The following NWD2 variants were observed in gnomAD, a reference collection of about 807,000 sequenced individuals.
NWD2 encodes the protein NACHT and WD repeat domain-containing protein 2.
NWD2 carries 37 observed loss-of-function variants against 132.7 expected under a neutral mutation model. The observed-to-expected ratio is 0.28, with a 90% confidence interval of 0.21 to 0.37. The LOEUF (loss-of-function observed/expected upper bound fraction) is 0.37. Ranked by LOEUF, NWD2 falls within the 10% of genes least tolerant of loss-of-function variation. NWD2 has a pLI of 1.00. For missense variants in NWD2, 1,592 were observed against 2,122.4 expected, an observed-to-expected ratio of 0.75 and a Z score of 4.91; for synonymous variants, 705 against 803.0, an observed-to-expected ratio of 0.88 and a Z score of 2.06.
chr4:37,275,137 A>T (rs780011892), intron 1 of NWD2, among the ~76,000 whole-genome samples: 13 of 152,164 alleles, frequency 8.5e-5, no homozygotes, highest in Admixed American at 3.3e-4. Flanking sequence ...AGGAAGTCAA[A>T]TTGTCCCTGT....
intron 3 of NWD2, among the ~76,000 whole-genome samples, chr4:37,374,291 C>G (rs150017753): frequency 6.6e-6 from 1 of 152,296 alleles, no homozygotes; most frequent in African/African-American, 2.4e-5. Flanking sequence ...TGAGTAAAAG[C>G]TTCCTGAGGT....
Position 37,422,390 on chromosome 4 carries a change from T to C in NWD2, c.358-8182T>C, listed in dbSNP as rs146094885. ...CATAATTATTTTAAAGCTCTTTTTCTCCACCCCTGGAACATTGATAAGTTT... is the reference window on the plus strand; with the variant it reads ...CATAATTATTTTAAAGCTCTTTTTCCCCACCCCTGGAACATTGATAAGTTT... On this transcript the variant is annotated intron_variant, in intron 3 of 6. Coordinates refer to ENST00000309447, the MANE Select transcript of NWD2 (RefSeq NM_001144990.2). Among the ~76,000 whole-genome samples, 41 of 152,314 alleles carry C rather than the reference T, an allele frequency of 2.7e-4. No homozygotes were observed. In the East Asian group the frequency reaches 7.7e-3, roughly 29 times the overall value.
intron 2 of NWD2, among the ~76,000 whole-genome samples, chr4:37,350,277 T>C (rs547531217): frequency 1.3e-5 from 2 of 152,356 alleles, no homozygotes; most frequent in South Asian, 4.1e-4. Flanking sequence ...CTTTGGACAG[T>C]ATGGCTATTT....
intron 3 of NWD2, among the ~76,000 whole-genome samples, chr4:37,387,736 G>A (rs931570158): frequency 7.6e-5 from 11 of 145,094 alleles, no homozygotes; most frequent in African/African-American, 2.6e-4. Context: ...GTGCAATGGC[G>A]CGATCTTGGC....
At chr4:37,416,992 A>G (rs1711632281) in intron 3 of NWD2, among the ~76,000 whole-genome samples, 1 of 152,190 alleles carries the variant, frequency 6.6e-6, no homozygotes, top group Non-Finnish European at 1.5e-5. Flanking sequence ...TGTTGGGTAC[A>G]GTGTATACTG....
Position 37,419,410 on chromosome 4 carries a change from TA to T in NWD2, c.358-11159del, listed in dbSNP as rs1222155986. 2.6e-5 allele frequency among the ~76,000 whole-genome samples: 4 copies of T among 152,240 alleles called. No homozygotes were observed. In the East Asian group the frequency reaches 7.7e-4, roughly 29 times the overall value. ...CCAAAATTGACAAATGGAATCTAATTAAACTAAAGAGCTTCTGCACAGCAAA... is the reference window on the plus strand; with the variant it reads ...CCAAAATTGACAAATGGAATCTAATTAACTAAAGAGCTTCTGCACAGCAAA... On this transcript the variant is annotated intron_variant, in intron 3 of 6. Transcript: ENST00000309447.
intron 1 of NWD2, among the ~76,000 whole-genome samples, chr4:37,321,801 G>A (rs1007023641): frequency 6.6e-6 from 1 of 152,022 alleles, no homozygotes; most frequent in Non-Finnish European, 1.5e-5. Context: ...ATACAAATAT[G>A]GGAAAATCTA....
At chr4:37,442,845 A>G (rs1375981409) in intron 6 of NWD2, among the ~76,000 whole-genome samples, 7 of 152,098 alleles carry the variant, frequency 4.6e-5, no homozygotes, top group Admixed American at 3.9e-4. Context: ...TATTTAACTT[A>G]ATATAATATG....
At chr4:37,308,024 ATC>A (rs1718746574) in intron 1 of NWD2, among the ~76,000 whole-genome samples, 1 of 152,140 alleles carries the variant, frequency 6.6e-6, no homozygotes, top group South Asian at 2.1e-4. Flanking sequence ...TTGATGAATC[ATC>A]TGTCTGTATT....
chr4:37,318,734 T>G (rs763928218), intron 1 of NWD2, among the ~76,000 whole-genome samples: 2 of 152,022 alleles, frequency 1.3e-5, no homozygotes, highest in African/African-American at 4.8e-5. Flanking sequence ...TATAATATTT[T>G]TATTATGTTC....
In NWD2 at chr4:37,253,018, T is replaced by C. The variant is rs116822541; in HGVS notation, c.151+7800T>C. Among the ~76,000 whole-genome samples the C allele has an allele frequency of 6.2e-3, 895 of 144,598 alleles. 5 individuals carry two copies. Among genetic ancestry groups the C allele is most frequent in the African/African-American group, 0.021 (857 of 40,820 alleles). The allele number at this position is 144,598 out of a possible 152,430, so 94.9% of individuals were successfully genotyped here. ...TTACCACAACCCCCCCCCCTTATGT[T>C]TTGCAGTTTCTTTGACCTCCCTTTG... On this transcript the variant is annotated intron_variant, in intron 1 of 6. Transcript: ENST00000309447.
intron 3 of NWD2, among the ~76,000 whole-genome samples, chr4:37,407,790 G>A (rs1010131991): frequency 5.3e-5 from 8 of 152,338 alleles, no homozygotes; most frequent in Admixed American, 1.3e-4. Context: ...CAGTGAGATC[G>A]ACAGAGAAGG....
chr4:37,384,847 A>G (rs1353674946), intron 3 of NWD2, among the ~76,000 whole-genome samples: 1 of 152,184 alleles, frequency 6.6e-6, no homozygotes. Flanking sequence ...ATAGCCATTC[A>G]TCTGTGGACA....
intron 3 of NWD2, among the ~76,000 whole-genome samples, chr4:37,425,899 T>G (rs1904471): frequency 1 from 152,065 of 152,282 alleles, 75,924 homozygotes; most frequent in Non-Finnish European, 1. Context: ...TGGCTGCAGA[T>G]CTAACGAATA....
chr4:37,416,964 G>A (rs1207737784), intron 3 of NWD2, among the ~76,000 whole-genome samples: 1 of 152,066 alleles, frequency 6.6e-6, no homozygotes. Context: ...GGAGGGGGAT[G>A]AAGGATAAAA....
chr4:37,439,509 A>G lies in NWD2; in HGVS notation c.1296+119A>G. On this transcript the variant is annotated intron_variant, in intron 6 of 6. Coordinates refer to ENST00000309447, the MANE Select transcript of NWD2 (RefSeq NM_001144990.2). The surrounding 1 kb of genome is among the most constrained non-coding windows in gnomAD (Gnocchi z 4.5). ...CTATGTGAATTATAGTTGGTCTTTT[A>G]GGAGTGAATACTGCAGTGCTTCTTT... is the stretch of plus-strand genomic sequence containing the variant. 3 of 706,894 alleles carry G rather than the reference A, an allele frequency of 4.2e-6. No homozygotes were observed. The East Asian group carries it at 8.2e-5, about 19-fold the overall frequency. The allele number at this position is 706,894 out of a possible 1,614,324, so 43.8% of individuals were successfully genotyped here.
chr4:37,332,589 C>A (rs953532979), intron 2 of NWD2, among the ~76,000 whole-genome samples: 9 of 152,204 alleles, frequency 5.9e-5, no homozygotes. Context: ...CAGTAATACC[C>A]AGGCATTACT....
In NWD2 at chr4:37,446,200, G is replaced by T; in HGVS notation, c.4212G>T (p.Leu1404=). ...RINGQRISQL[L]ITHNDQFVVS... ...ACGGGCAGAGAATATCTCAGCTGCT[G>T]ATTACACACAATGACCAGTTTGTGG... is the stretch of plus-strand genomic sequence containing the variant. Residue 1404 remains leucine, a synonymous_variant, in exon 7 of 7, where the codon CTG becomes CTT. Coordinates refer to ENST00000309447, the MANE Select transcript of NWD2 (RefSeq NM_001144990.2). The surrounding 1 kb of genome is among the most constrained non-coding windows in gnomAD (Gnocchi z 6.7). The T allele has an allele frequency of 6.4e-7, 1 of 1,551,696 alleles. No individual in the cohort carries two copies. The highest frequency in any genetic ancestry group is 8.7e-7 in the Non-Finnish European group (1 of 1,146,998).
Position 37,245,203 on chromosome 4 carries a change from A to T in NWD2, c.136A>T (p.Ser46Cys). The T allele has an allele frequency of 1.3e-6, 2 of 1,541,186 alleles. No individual in the cohort carries two copies. Among genetic ancestry groups the T allele is most frequent in the Non-Finnish European group, 1.7e-6 (2 of 1,145,562 alleles). The change falls in exon 1 of 7, where the codon AGC (serine) becomes TGC (cysteine). Residue 46 changes from serine to cysteine, a missense_variant. This residue lies in a region of NWD2 where 88 missense variants were observed against 92.8 expected (regional missense o/e 0.95). Coordinates refer to ENST00000309447, the MANE Select transcript of NWD2 (RefSeq NM_001144990.2). The part of the protein sequence containing the change: ...PAGRSVRVFI[S>C]ANPEDTGAER... ...CGGCCGCAGCGTCCGGGTCTTCATCAGCGCCAACCCTGAAGGTACGTCCCT... is the reference window on the plus strand; with the variant it reads ...CGGCCGCAGCGTCCGGGTCTTCATCTGCGCCAACCCTGAAGGTACGTCCCT...
Sources: allele counts gnomAD v4.1 joint callset (sites outside exome capture counted in the v4.1 genomes callset), GRCh38; gene constraint gnomAD v4.1.1; regional missense constraint gnomAD v4.1.1; non-coding constraint Gnocchi (gnomAD v3.1); transcripts MANE v1.5; gene names NCBI Gene and HGNC (gene_info 2026-07-23, HGNC 2026-07-21).